ITGA5: variants seen among roughly 807,000 people sequenced by gnomAD.
ITGA5 encodes the protein integrin alpha-5.
ITGA5 carries 55 observed loss-of-function variants against 146.3 expected under a neutral mutation model. The observed-to-expected ratio is 0.38, with a 90% CI of 0.30 to 0.47. The LOEUF is 0.47. Ranked by LOEUF, ITGA5 falls within the 20% of genes least tolerant of loss-of-function variation. The pLI, the probability that ITGA5 is intolerant of heterozygous loss-of-function variation, is 0.99. For missense variants in ITGA5, 1,131 were observed against 1,329.0 expected (o/e 0.85, Z 2.32); for synonymous variants, 500 against 531.8 (o/e 0.94, Z 0.82).
chr12:54,407,268 C>T (rs569575985), intron 9 of ITGA5: 60 of 226,872 alleles, frequency 2.6e-4, no homozygotes, highest in African/African-American at 1.2e-3. Flanking sequence ...GAATGAAATC[C>T]GATGGCACTC....
chr12:54,408,039 C>T (rs1488480348), intron 7 of ITGA5, 71 bp downstream of exon 7: 19 of 1,591,262 alleles, frequency 1.2e-5, no homozygotes, highest in African/African-American at 8.0e-5. Flanking sequence ...AGAGGGGAGG[C>T]GAGGGGGTGA....
intron 1 of ITGA5, among the ~76,000 whole-genome samples, 175 bp downstream of exon 1, chr12:54,418,806 G>A (rs1190265134): frequency 6.6e-6 from 1 of 151,848 alleles, no homozygotes; most frequent in Non-Finnish European, 1.5e-5. Context: ...CCGCCACGGT[G>A]CCCTCCCTAC....
rs1307079728 is a variant in ITGA5 at position 54,395,660 on chromosome 12, C to T, written c.*633G>A. 6.5e-6 allele frequency: 1 copy of T among 152,896 alleles called. No homozygotes were observed. The highest frequency in any genetic ancestry group is 1.5e-5 in the Non-Finnish European group (1 of 68,436). 9.5% of individuals were successfully genotyped at this position (152,896 alleles called of 1,614,324 possible). ...CTGGGTTCCAGATCAACTCCAGACC[C>T]CAGGCTGGATCTGGCCCCATTTGAG... is the stretch of plus-strand genomic sequence containing the variant. On this transcript the variant is annotated 3_prime_UTR_variant, in exon 30 of 30. Coordinates refer to ENST00000293379, the MANE Select transcript of ITGA5 (RefSeq NM_002205.5).
At position 54,407,965 on chromosome 12, in the gene ITGA5, T is replaced by C. The variant is rs962741798; in HGVS notation, c.818-89A>G. ...CCACCAATCCCTTCCCCACCCCTAC[T>C]GGGCCTTCATAGTCAGCAGGCACAT... On this transcript the variant is annotated intron_variant, in intron 7 of 29. Coordinates refer to ENST00000293379, the MANE Select transcript of ITGA5 (RefSeq NM_002205.5). The C allele has an allele frequency of 7.3e-6, 11 of 1,514,280 alleles. No homozygotes were observed. In the African/African-American group the frequency reaches 1.5e-4, roughly 21 times the overall value. The allele number at this position is 1,514,280 out of a possible 1,614,324, so 93.8% of individuals were successfully genotyped here.
intron 9 of ITGA5, among the ~76,000 whole-genome samples, chr12:54,407,189 T>C (rs908062653): frequency 1.3e-5 from 2 of 152,242 alleles, no homozygotes; most frequent in African/African-American, 4.8e-5. Flanking sequence ...ATTAGAAGCA[T>C]CTTATAAGAT....
chr12:54,408,296 T>G, intron 6 of ITGA5, 61 bp from the exon 7 acceptor site: 2 of 1,584,064 alleles, frequency 1.3e-6, no homozygotes, highest in Non-Finnish European at 1.7e-6. Flanking sequence ...CTTGGGACTC[T>G]GGGGGCTGAC....
chr12:54,404,504 C>G, intron 13 of ITGA5, 29 bp from the exon 14 acceptor site: 1 of 1,613,056 alleles, frequency 6.2e-7, no homozygotes, highest in Middle Eastern at 1.6e-4. Context: ...TCACCTCTTA[C>G]AGCAAGCCCC....
At chr12:54,408,528 C>T (rs557424102) in intron 6 of ITGA5, among the ~76,000 whole-genome samples, 225 of 152,088 alleles carry the variant, frequency 1.5e-3, no homozygotes, top group African/African-American at 5.1e-3. Context: ...GAGTCCAAGA[C>T]CAGCCTGGCC....
At chr12:54,410,940 TG>T (rs553425332) in intron 2 of ITGA5, among the ~76,000 whole-genome samples, 143 of 152,312 alleles carry the variant, frequency 9.4e-4, no homozygotes, top group African/African-American at 3.3e-3. Flanking sequence ...ATGGCCAGTC[TG>T]GTCTCAAACT....
At position 54,414,212 on chromosome 12, in the gene ITGA5, C is replaced by T. The variant is rs535039546; in HGVS notation, c.219-2248G>A. ...CTAAAGTCAATCCAATAAATAGTGCCTCCCCTGCCAACACGCCAAGTGAGG... is the reference window on the plus strand; with the variant it reads ...CTAAAGTCAATCCAATAAATAGTGCTTCCCCTGCCAACACGCCAAGTGAGG... On this transcript the variant is annotated intron_variant, in intron 1 of 29. Transcript: ENST00000293379. Among the ~76,000 whole-genome samples, 68 of 152,332 alleles carry T rather than the reference C, an allele frequency of 4.5e-4. 1 individual carries two copies. Among genetic ancestry groups the T allele is most frequent in the African/African-American group, 1.5e-3 (62 of 41,572 alleles).
chr12:54,402,361 G>T, intron 19 of ITGA5, 31 bp from the exon 20 acceptor site: 1 of 1,580,362 alleles, frequency 6.3e-7, no homozygotes, highest in Non-Finnish European at 8.6e-7. Context: ...AAGGGACATT[G>T]GTGAATTAAT....
At position 54,401,600 on chromosome 12, in the gene ITGA5, T is replaced by C. The variant is rs768820055; in HGVS notation, c.2372A>G (p.Gln791Arg). 86 of 1,614,178 alleles carry C rather than the reference T, an allele frequency of 5.3e-5. No individual in the cohort carries two copies. Among genetic ancestry groups the C allele is most frequent in the Admixed American group, 3.7e-4 (22 of 60,028 alleles). Residue 791 changes from glutamine (Q) to arginine (R), a missense_variant, in exon 23 of 30, where the codon CAG becomes CGG. This residue lies in a region of ITGA5 where 889 missense variants were observed against 1,021.5 expected (regional missense o/e 0.87). Coordinates refer to ENST00000293379, the MANE Select transcript of ITGA5 (RefSeq NM_002205.5). This position sits in a 1 kb window ranked among gnomAD's most constrained non-coding sequence, Gnocchi z 5.0. The stretch of plus-strand genomic sequence containing the variant: ...TGGCACTGACCCGTTCAGGGTGACC[T>C]GGGCCTGAGCCTCCACGGAGAGCCG... ...SFRLSVEAQA[Q>R]VTLNGVSKPE...
intron 29 of ITGA5, 41 bp from the exon 30 acceptor site, chr12:54,396,417 T>A (rs760139253): frequency 2.7e-6 from 4 of 1,481,406 alleles, no homozygotes; most frequent in Non-Finnish European, 3.8e-6. Context: ...GTACTATGGC[T>A]GCCATTTCTC....
chr12:54,404,837 A>G lies in ITGA5; in HGVS notation c.1283T>C (p.Phe428Ser). ...GETQQGVVFV[F>S]PGGPGGLGSK... The stretch of plus-strand genomic sequence containing the variant: ...GCCCAGCCCTCCTGGGCCCCCAGGA[A>G]ATACAAACACTACTCCCTGCTGGGT... Residue 428 changes from phenylalanine (F) to serine (S), a missense_variant, in exon 13 of 30, where the codon TTT becomes TCT. Transcript: ENST00000293379. 1 of 1,611,756 alleles carries G rather than the reference A, an allele frequency of 6.2e-7. No homozygotes were observed.
intron 1 of ITGA5, 69 bp downstream of exon 1, chr12:54,418,912 C>T: frequency 1.3e-6 from 2 of 1,559,430 alleles, no homozygotes; most frequent in Non-Finnish European, 1.7e-6. Context: ...CCCCTCCAGA[C>T]CCCAGCCGCG....
chr12:54,408,818 G>T lies in ITGA5; in HGVS notation c.646-17C>A. The T allele has an allele frequency of 6.2e-7, 1 of 1,614,004 alleles. No individual in the cohort carries two copies. Among genetic ancestry groups the T allele is most frequent in the Non-Finnish European group, 8.5e-7 (1 of 1,179,988 alleles). The stretch of plus-strand genomic sequence containing the variant: ...ACGGCCAGTCTGTGGGTGAAAGGAG[G>T]GGAGTCCAACATCTGGTCCCAATCC... On this transcript the variant is annotated splice_polypyrimidine_tract_variant and intron_variant, in intron 5 of 29. Coordinates refer to ENST00000293379, the MANE Select transcript of ITGA5 (RefSeq NM_002205.5).
At chr12:54,411,794 G>A (rs773629883) in intron 2 of ITGA5, 40 bp downstream of exon 2, 14 of 1,418,186 alleles carry the variant, frequency 9.9e-6, no homozygotes, top group Non-Finnish European at 1.2e-5. Context: ...CCAGGCTGCA[G>A]TCCCACCCCC....
At chr12:54,400,642 T>G (rs1955773875) in intron 25 of ITGA5, 1 of 529,778 alleles carries the variant, frequency 1.9e-6, no homozygotes, top group Non-Finnish European at 3.3e-6. Context: ...AAAGAAGGGA[T>G]AGTTCAGGCA....
chr12:54,415,096 C>G (rs1435331551), intron 1 of ITGA5, among the ~76,000 whole-genome samples: 1 of 151,962 alleles, frequency 6.6e-6, no homozygotes, highest in East Asian at 1.9e-4. Flanking sequence ...TGCGGTGAGC[C>G]GAGATTGCGC....
Sources: allele counts gnomAD v4.1 joint callset (sites outside exome capture counted in the v4.1 genomes callset), GRCh38; gene constraint gnomAD v4.1.1; regional missense constraint gnomAD v4.1.1; non-coding constraint Gnocchi (gnomAD v3.1); transcripts MANE v1.5; gene names NCBI Gene and HGNC (gene_info 2026-07-23, HGNC 2026-07-21).